The following KRT35 variants were observed in gnomAD, a reference collection of about 807,000 sequenced individuals.
The protein encoded by KRT35 is keratin 35, also known as keratin, type I cuticular Ha5.
In KRT35, 33 loss-of-function variants were observed where a neutral mutation model predicts 42.2. The observed-to-expected ratio is 0.78, with a 90% CI of 0.59 to 1.05. The LOEUF (loss-of-function observed/expected upper bound fraction) is 1.05, where lower values mean the gene tolerates loss of function less well. Ranked by LOEUF, KRT35 falls within the 50% of genes least tolerant of loss-of-function variation. KRT35 has a pLI of 0.00. For missense variants in KRT35, 585 were observed against 589.2 expected, an observed-to-expected ratio of 0.99 and a Z score of 0.07; for synonymous variants, 218 against 238.2, an observed-to-expected ratio of 0.92 and a Z score of 0.78.
intron 1 of KRT35, among the ~76,000 whole-genome samples, chr17:41,480,228 A>G (rs1482516837): frequency 1.3e-5 from 2 of 152,192 alleles, no homozygotes; most frequent in Non-Finnish European, 2.9e-5. Context: ...TCTGACAGGC[A>G]TTTTCTTCCC....
Position 41,476,894 on chromosome 17 carries a change from C to T in KRT35, c.*162G>A. The T allele has an allele frequency of 1.5e-6, 1 of 660,584 alleles. No homozygotes were observed. Among genetic ancestry groups the T allele is most frequent in the Non-Finnish European group, 2.4e-6 (1 of 409,470 alleles). 40.9% of individuals were successfully genotyped at this position (660,584 alleles called of 1,614,324 possible). ...GGGCAGCCGGCCTTTGTGACAGGCT[C>T]TGAGAAACTTTAGGGCATGTATTTG... On this transcript the variant is annotated 3_prime_UTR_variant, in exon 7 of 7. Transcript: ENST00000246639.
chr17:41,479,090 C>T (rs1405685812), intron 3 of KRT35, 95 bp from the exon 4 acceptor site: 19 of 1,267,752 alleles, frequency 1.5e-5, no homozygotes, highest in South Asian at 5.6e-5. Flanking sequence ...GCTCACCCCT[C>T]CTAATGCTCA....
At chr17:41,479,128 A>T (rs1219821313) in intron 3 of KRT35, 133 bp from the exon 4 acceptor site, 2 of 978,298 alleles carry the variant, frequency 2.0e-6, no homozygotes, top group Non-Finnish European at 2.9e-6. Flanking sequence ...TCTGCTCCCC[A>T]TGCCCACCTC....
chr17:41,480,084 T>G (rs1041889145), intron 1 of KRT35, among the ~76,000 whole-genome samples: 2 of 152,184 alleles, frequency 1.3e-5, no homozygotes, highest in African/African-American at 4.8e-5. Context: ...CCAGGCCTAC[T>G]GGGGGCCCAG....
At chr17:41,478,627 T>C in intron 4 of KRT35, 141 bp from the exon 5 acceptor site, 1 of 1,206,118 alleles carries the variant, frequency 8.3e-7, no homozygotes, top group Non-Finnish European at 1.2e-6. Context: ...CTGGAGGGCA[T>C]TGTTGCTCAG....
In KRT35 at chr17:41,478,841, T is replaced by A; in HGVS notation, c.866A>T (p.Asp289Val). The A allele has an allele frequency of 1.9e-6, 3 of 1,613,098 alleles. No individual in the cohort carries two copies. The East Asian group carries it at 6.7e-5, about 36-fold the overall frequency. The change falls in exon 4 of 7, where the codon GAC becomes GTC. Residue 289 changes from aspartate to valine, a missense_variant. Asp to Val is a radical substitution (Grantham distance 152). Transcript: ENST00000246639. ...CTGTTTCCAGGTACCTACCTGGGTG[T>A]CCAACCAGTCTTCAGCATCCCGGCG... is the stretch of plus-strand genomic sequence containing the variant. ...NNRRDAEDWL[D>V]TQSEELNQQV...
At position 41,478,995 on chromosome 17, in the gene KRT35, C is replaced by G; in HGVS notation, c.712G>C (p.Glu238Gln). 1 of 1,611,158 alleles carries G rather than the reference C, an allele frequency of 6.2e-7. No individual in the cohort carries two copies. Among genetic ancestry groups the G allele is most frequent in the African/African-American group, 1.3e-5 (1 of 74,960 alleles). The change falls in exon 4 of 7, where the codon GAA (glutamate) becomes CAA (glutamine). Residue 238 changes from glutamate to glutamine, a missense_variant and splice_region_variant. Physicochemically the swap from Glu to Gln is conservative, Grantham distance 29. Transcript: ENST00000246639. ...AGTTGGCAGCGCAGTGAGTTCACTT[C>G]CTATAGCACAGACCAGGATGAGTAC... is the stretch of plus-strand genomic sequence containing the variant. ...LLCLKKNHEE[E>Q]VNSLRCQLGD... is the part of the protein sequence containing the mutation.
rs765996793 is a variant in KRT35, at chr17:41,480,804, C to T, written c.294G>A (p.Lys98=). The T allele has an allele frequency of 6.2e-7, 1 of 1,614,228 alleles. No individual in the cohort carries two copies. The highest frequency in any genetic ancestry group is 1.1e-5 in the South Asian group (1 of 91,084). The change falls in exon 1 of 7, where the codon AAG becomes AAA. Residue 98 remains lysine (K), a synonymous_variant. Coordinates refer to ENST00000246639, the MANE Select transcript of KRT35 (RefSeq NM_002280.6). ...FGEGILTGNE[K]ETMQSLNDRL... ...GGTCGTTCAGGGATTGCATGGTCTC[C>T]TTCTCATTGCCAGTGAGGATGCCCT...
In KRT35 at chr17:41,480,145, C is replaced by A. The variant is rs531869920; in HGVS notation, c.472-364G>T. ...CCGGGATTCTCTGGTCATAAATGGT[C>A]CCTCACAGGAGCCAGCTATAACTTT... On this transcript the variant is annotated intron_variant, in intron 1 of 6. Coordinates refer to ENST00000246639, the MANE Select transcript of KRT35 (RefSeq NM_002280.6). Among the ~76,000 whole-genome samples the A allele has an allele frequency of 1.7e-3, 252 of 152,290 alleles. 1 individual carries two copies. The highest frequency in any genetic ancestry group is 5.6e-3 in the African/African-American group (233 of 41,546).
chr17:41,480,790 G>A lies in KRT35; in HGVS notation c.308C>T (p.Ser103Phe). 1 of 1,614,222 alleles carries A rather than the reference G, an allele frequency of 6.2e-7. No individual in the cohort carries two copies. The highest frequency in any genetic ancestry group is 2.2e-5 in the East Asian group (1 of 44,882). ...GTAGCCGGCCAGGCGGTCGTTCAGG[G>A]ATTGCATGGTCTCCTTCTCATTGCC... ...LTGNEKETMQSLNDRLAGYLE... is the reference protein window; with the variant it reads ...LTGNEKETMQFLNDRLAGYLE... The change falls in exon 1 of 7, where the codon TCC (serine) becomes TTC (phenylalanine). Residue 103 changes from serine (S) to phenylalanine (F), a missense_variant. Ser to Phe is a radical substitution (Grantham distance 155). Transcript: ENST00000246639.
chr17:41,479,278 C>A, intron 3 of KRT35, 69 bp downstream of exon 3: 1 of 1,534,244 alleles, frequency 6.5e-7, no homozygotes, highest in Non-Finnish European at 8.9e-7. Flanking sequence ...ATGCTCACCT[C>A]CTCCCCATGT....
intron 5 of KRT35, 152 bp from the exon 6 acceptor site, chr17:41,477,890 G>GA: frequency 8.5e-7 from 1 of 1,177,218 alleles, no homozygotes. Flanking sequence ...GTGTAGGGAG[G>GA]AAAAAGGCTA....
chr17:41,478,787 T>G, intron 4 of KRT35, 47 bp downstream of exon 4: 15 of 1,555,180 alleles, frequency 9.6e-6, no homozygotes, highest in Non-Finnish European at 1.3e-5. Flanking sequence ...CACTTCCATG[T>G]GAGCCACCAC....
In KRT35 at chr17:41,476,965, G is replaced by A. The variant is rs1359393836; in HGVS notation, c.*91C>T. On this transcript the variant is annotated 3_prime_UTR_variant, in exon 7 of 7. Coordinates refer to ENST00000246639, the MANE Select transcript of KRT35 (RefSeq NM_002280.6). ...ACCCTGGGCCTGGGCTCTGCGCGAAGAGAGGGGATTGGGCTACAAGGGTTA... is the reference window on the plus strand; with the variant it reads ...ACCCTGGGCCTGGGCTCTGCGCGAAAAGAGGGGATTGGGCTACAAGGGTTA... 15 of 1,280,204 alleles carry A rather than the reference G, an allele frequency of 1.2e-5. No individual in the cohort carries two copies. The highest frequency in any genetic ancestry group is 2.5e-5 in the Admixed American group (1 of 39,896). 79.3% of individuals were successfully genotyped at this position (1,280,204 alleles called of 1,614,324 possible).
intron 4 of KRT35, 22 bp downstream of exon 4, chr17:41,478,812 C>A: frequency 6.2e-7 from 1 of 1,606,418 alleles, no homozygotes; most frequent in Non-Finnish European, 8.5e-7. Flanking sequence ...CCCTGTTGCA[C>A]TGACTGTTTC....
At chr17:41,479,886 C>A in intron 1 of KRT35, 105 bp from the exon 2 acceptor site, 1 of 860,452 alleles carries the variant, frequency 1.2e-6, no homozygotes, top group Non-Finnish European at 1.9e-6. Context: ...GTCACCCATC[C>A]TAGACCTCTG....
Position 41,477,021 on chromosome 17 carries a change from G to A in KRT35, c.*35C>T, listed in dbSNP as rs1261039129. Reference sequence around the variant, plus strand: ...GGGTAGAGGCCAAGTTCAAGCCCTGGAGACAATAGCCATGGCCATCTGGGT... The same window carrying A: ...GGGTAGAGGCCAAGTTCAAGCCCTGAAGACAATAGCCATGGCCATCTGGGT... On this transcript the variant is annotated 3_prime_UTR_variant, in exon 7 of 7. Transcript: ENST00000246639. The A allele has an allele frequency of 6.5e-7, 1 of 1,526,950 alleles. No homozygotes were observed. The highest frequency in any genetic ancestry group is 8.8e-7 in the Non-Finnish European group (1 of 1,142,728). The allele number at this position is 1,526,950 out of a possible 1,614,324, so 94.6% of individuals were successfully genotyped here.
Position 41,477,665 on chromosome 17 carries a change from A to G in KRT35, c.1073T>C (p.Met358Thr), listed in dbSNP as rs774782961. 9.9e-6 allele frequency: 16 copies of G among 1,614,214 alleles called. No individual in the cohort carries two copies. Among genetic ancestry groups the G allele is most frequent in the Non-Finnish European group, 1.3e-5 (15 of 1,180,052 alleles). ...CAGCTGGGCCTCCACGTTGGTGATCATGCACTGCATCTGGGCCAGCTGGGA... is the reference window on the plus strand; with the variant it reads ...CAGCTGGGCCTCCACGTTGGTGATCGTGCACTGCATCTGGGCCAGCTGGGA... ...YSSQLAQMQC[M>T]ITNVEAQLAE... The change falls in exon 6 of 7, where the codon ATG becomes ACG. Residue 358 changes from methionine to threonine, a missense_variant. By Grantham distance (81) the Met-to-Thr change is moderately conservative. Coordinates refer to ENST00000246639, the MANE Select transcript of KRT35 (RefSeq NM_002280.6).
chr17:41,478,285 CA>C, intron 5 of KRT35, 75 bp downstream of exon 5: 1 of 1,541,536 alleles, frequency 6.5e-7, no homozygotes, highest in Admixed American at 1.8e-5. Context: ...CCTGTGTGGT[CA>C]AAGCATGGAA....
Sources: gnomAD v4.1 joint callset for allele counts (sites outside exome capture counted in the v4.1 genomes callset) on GRCh38, gnomAD v4.1.1 for gene constraint, MANE v1.5 for transcripts, NCBI Gene and HGNC (gene_info 2026-07-23, HGNC 2026-07-21) for gene names.